Variants in NSUN4 observed in about 807,000 individuals in gnomAD.
NSUN4 encodes the protein 5-cytosine rRNA methyltransferase NSUN4.
A neutral mutation model predicts 43.8 loss-of-function variants in NSUN4; 31 were observed. The observed-to-expected ratio is 0.71, with a 90% CI of 0.53 to 0.96. The LOEUF is 0.96. Among genes scored for constraint, NSUN4 ranks in the 40% least tolerant of loss-of-function variants. The pLI is 0.00. For missense variants in NSUN4, 439 were observed against 475.6 expected, an observed-to-expected ratio of 0.92 and a Z score of 0.72; for synonymous variants, 167 against 184.1, an observed-to-expected ratio of 0.91 and a Z score of 0.75.
In NSUN4 at chr1:46,355,686, A is replaced by G. The variant is rs115816044; in HGVS notation, c.753+2658A>G. Reference sequence around the variant, plus strand: ...CCTGCTATTTCACTTGACAGCTTTAATGTTTGAAGATGTCTTTGTTAACTT... The same window carrying G: ...CCTGCTATTTCACTTGACAGCTTTAGTGTTTGAAGATGTCTTTGTTAACTT... On this transcript the variant is annotated intron_variant, in intron 4 of 5. Transcript: ENST00000474844. Among the ~76,000 whole-genome samples, 747 of 152,204 alleles carry G rather than the reference A, an allele frequency of 4.9e-3. 10 individuals carry two copies. Among genetic ancestry groups the G allele is most frequent in the African/African-American group, 0.017 (721 of 41,508 alleles).
chr1:46,345,644 C>G (rs1662434732), intron 2 of NSUN4, among the ~76,000 whole-genome samples: 1 of 152,098 alleles, frequency 6.6e-6, no homozygotes, highest in South Asian at 2.1e-4. Flanking sequence ...TGGGACTTTC[C>G]TAGGAAATAG....
At chr1:46,370,479 C>G in the NSUN4 span, 2 of 151,902 alleles carry the variant, frequency 1.3e-5, no homozygotes, top group Non-Finnish European at 2.9e-5. Flanking sequence ...CTTCCCCACT[C>G]CCTCTGCAGG....
chr1:46,357,939 C>T (rs956045640), intron 4 of NSUN4, among the ~76,000 whole-genome samples: 3 of 152,092 alleles, frequency 2.0e-5, no homozygotes, highest in Admixed American at 6.6e-5. Flanking sequence ...TTTTTTGAGA[C>T]AGTCTCGCTC....
At chr1:46,341,808 C>G (rs1458411372) in intron 1 of NSUN4, 57 of 1,232,576 alleles carry the variant, frequency 4.6e-5, no homozygotes, top group Non-Finnish European at 5.5e-5. Context: ...TCTCTGTCAG[C>G]GGACACCTTA....
chr1:46,367,227 A>T (rs548502877), downstream of NSUN4, among the ~76,000 whole-genome samples: 1 of 152,234 alleles, frequency 6.6e-6, no homozygotes, highest in South Asian at 2.1e-4. Context: ...TGCATTCTTC[A>T]TCTCCAAACT....
the NSUN4 span, among the ~76,000 whole-genome samples, chr1:46,377,616 A>G: frequency 2.6e-5 from 4 of 152,226 alleles, no homozygotes; most frequent in Admixed American, 2.0e-4. Flanking sequence ...GATCAAAGTG[A>G]AAAATATGTA....
intron 2 of NSUN4, among the ~76,000 whole-genome samples, chr1:46,346,641 T>C (rs1662524285): frequency 1.3e-5 from 2 of 151,794 alleles, no homozygotes; most frequent in South Asian, 2.1e-4. Flanking sequence ...GGAGAATCAC[T>C]TGAACCTGGG....
In NSUN4 at chr1:46,363,557, G is replaced by T. The variant is rs1322207037; in HGVS notation, c.*1711G>T. On this transcript the variant is annotated 3_prime_UTR_variant, in exon 6 of 6. Coordinates refer to ENST00000474844, the MANE Select transcript of NSUN4 (RefSeq NM_199044.4). ...AACTACTTTGGAAAACAGTTTATCTGCTGTAATTGAACATTCAGCTACCCT... is the reference window on the plus strand; with the variant it reads ...AACTACTTTGGAAAACAGTTTATCTTCTGTAATTGAACATTCAGCTACCCT... 6.6e-6 allele frequency: 1 copy of T among 152,268 alleles called. No homozygotes were observed. The highest frequency in any genetic ancestry group is 1.5e-5 in the Non-Finnish European group (1 of 68,038). 9.4% of individuals were successfully genotyped at this position (152,268 alleles called of 1,614,324 possible).
chr1:46,356,329 C>G (rs115497988), intron 4 of NSUN4, among the ~76,000 whole-genome samples: 1,574 of 152,288 alleles, frequency 0.01, 31 homozygotes, highest in African/African-American at 0.036. Flanking sequence ...CCTCAGCCCC[C>G]CAAAGCATTA....
chr1:46,352,118 A>G (rs1399195812), intron 3 of NSUN4, among the ~76,000 whole-genome samples: 1 of 150,934 alleles, frequency 6.6e-6, no homozygotes, highest in Non-Finnish European at 1.5e-5. Flanking sequence ...GGCGTGAGCC[A>G]CTATGCCCAG....
the NSUN4 span, among the ~76,000 whole-genome samples, chr1:46,375,735 T>TAAAAAAA: frequency 4.8e-4 from 8 of 16,782 alleles, no homozygotes; most frequent in African/African-American, 1.6e-3. Context: ...AGACTCTGTC[T>TAAAAAAA]CAAAAAAAAA....
intron 4 of NSUN4, among the ~76,000 whole-genome samples, chr1:46,358,177 C>T (rs1024333965): frequency 6.6e-6 from 1 of 152,200 alleles, no homozygotes; most frequent in Non-Finnish European, 1.5e-5. Flanking sequence ...TTCACTGCAA[C>T]CTCCGCCTCC....
At chr1:46,347,701 T>A (rs1447559791) in intron 3 of NSUN4, among the ~76,000 whole-genome samples, 1 of 152,154 alleles carries the variant, frequency 6.6e-6, no homozygotes, top group African/African-American at 2.4e-5. Flanking sequence ...ACTAAAATGA[T>A]AAGATCTGCC....
At chr1:46,384,744 G>A in the NSUN4 span, among the ~76,000 whole-genome samples, 6 of 152,026 alleles carry the variant, frequency 3.9e-5, no homozygotes, top group African/African-American at 7.3e-5. Context: ...ATCCCTTTCC[G>A]CTGTATCAAA....
intron 3 of NSUN4, among the ~76,000 whole-genome samples, chr1:46,351,659 C>CTT (rs1190689943): frequency 0.021 from 1,885 of 88,704 alleles, 51 homozygotes; most frequent in Middle Eastern, 0.032. Flanking sequence ...GACCCAGTCT[C>CTT]TTTTTTTTTT....
intron 3 of NSUN4, 76 bp downstream of exon 3, chr1:46,347,151 G>C: frequency 6.8e-7 from 1 of 1,467,456 alleles, no homozygotes; most frequent in Non-Finnish European, 9.2e-7. Flanking sequence ...TAATATGGTA[G>C]GTTCGGCCAG....
chr1:46,345,921 G>A (rs1339953499), intron 2 of NSUN4, among the ~76,000 whole-genome samples: 4 of 152,030 alleles, frequency 2.6e-5, no homozygotes, highest in East Asian at 1.9e-4. Flanking sequence ...AGGCTGAGGC[G>A]GGCGGATTGC....
the NSUN4 span, among the ~76,000 whole-genome samples, chr1:46,377,308 C>T: frequency 1.2e-3 from 176 of 152,274 alleles, no homozygotes; most frequent in African/African-American, 4.1e-3. Context: ...CCTTGGCCTC[C>T]TGAAGTGTTG....
At chr1:46,342,621 T>G (rs1008855560) in intron 1 of NSUN4, 4 of 399,246 alleles carry the variant, frequency 1.0e-5, no homozygotes, top group Non-Finnish European at 1.8e-5. Context: ...CCAGGAACCA[T>G]CTCGTCCCCA....
Sources: gnomAD v4.1 joint callset for allele counts (sites outside exome capture counted in the v4.1 genomes callset) on GRCh38, gnomAD v4.1.1 for gene constraint, MANE v1.5 for transcripts, NCBI Gene and HGNC (gene_info 2026-07-23, HGNC 2026-07-21) for gene names.